The following SHISAL2A variants were observed in gnomAD, a reference collection of about 807,000 sequenced individuals.
SHISAL2A encodes the protein shisa like 2A, also known as protein shisa-like-2A.
SHISAL2A carries 18 observed loss-of-function variants against 11.5 expected under a neutral mutation model. The ratio of observed to expected loss-of-function variants is 1.57; its 90% confidence interval spans 1.08 to 2.33. The LOEUF (loss-of-function observed/expected upper bound fraction) is 2.33. Ranked by LOEUF, SHISAL2A falls within the 30% of genes most tolerant of loss-of-function variation. The pLI is 0.00. For missense variants in SHISAL2A, 261 were observed against 250.9 expected (o/e 1.04, Z -0.27); for synonymous variants, 94 against 99.6 (o/e 0.94, Z 0.34).
intron 2 of SHISAL2A, among the ~76,000 whole-genome samples, chr1:52,649,072 C>T (rs1691567787): frequency 6.6e-6 from 1 of 152,164 alleles, no homozygotes. Flanking sequence ...GCTTTTTGCT[C>T]AAACTCAGCT....
downstream of SHISAL2A, among the ~76,000 whole-genome samples, chr1:52,659,972 G>C (rs960074473): frequency 2.0e-5 from 3 of 152,166 alleles, no homozygotes; most frequent in Non-Finnish European, 4.4e-5. Flanking sequence ...TCTCAAACTC[G>C]AGGCTGCATC....
At chr1:52,638,530 C>T (rs1344403711) in intron 1 of SHISAL2A, among the ~76,000 whole-genome samples, 1 of 152,152 alleles carries the variant, frequency 6.6e-6, no homozygotes, top group South Asian at 2.1e-4. Flanking sequence ...AGTGTCTAAG[C>T]TTGGATTCAC....
At chr1:52,658,713 C>T (rs1270856612), downstream of SHISAL2A, among the ~76,000 whole-genome samples, 2 of 152,252 alleles carry the variant, frequency 1.3e-5, no homozygotes, top group Non-Finnish European at 2.9e-5. Context: ...AAGATGCTGA[C>T]TGTCAGCCCT....
chr1:52,644,138 T>A (rs922831754), intron 2 of SHISAL2A, among the ~76,000 whole-genome samples: 1 of 151,916 alleles, frequency 6.6e-6, no homozygotes, highest in Non-Finnish European at 1.5e-5. Context: ...TCTGTCTGCC[T>A]CGAGTCACCA....
downstream of SHISAL2A, among the ~76,000 whole-genome samples, chr1:52,657,547 G>A (rs1691817271): frequency 6.6e-6 from 1 of 152,156 alleles, no homozygotes; most frequent in South Asian, 2.1e-4. Context: ...ATGAAGGAGT[G>A]AGTGCTAAGT....
intron 2 of SHISAL2A, among the ~76,000 whole-genome samples, chr1:52,651,308 G>A (rs1691641123): frequency 6.6e-6 from 1 of 152,140 alleles, no homozygotes; most frequent in African/African-American, 2.4e-5. Flanking sequence ...TGTGATCTCT[G>A]CTCACTGCAA....
chr1:52,635,079 TATTCATTC>T (rs544281039), intron 1 of SHISAL2A, among the ~76,000 whole-genome samples: 3 of 152,334 alleles, frequency 2.0e-5, no homozygotes, highest in Admixed American at 1.3e-4. Context: ...TTCATCCATA[TATTCATTC>T]ATTCATTCAT....
chr1:52,640,698 T>A (rs1470322092), intron 1 of SHISAL2A, among the ~76,000 whole-genome samples: 6 of 152,132 alleles, frequency 3.9e-5, no homozygotes, highest in African/African-American at 1.4e-4. Context: ...TAGATAGAGA[T>A]GCTAGGAGCA....
At chr1:52,660,295 C>G (rs1691877623), downstream of SHISAL2A, among the ~76,000 whole-genome samples, 1 of 152,228 alleles carries the variant, frequency 6.6e-6, no homozygotes, top group Admixed American at 6.5e-5. Context: ...CCTACACATC[C>G]TAGGCCTCAT....
intron 4 of SHISAL2A, among the ~76,000 whole-genome samples, chr1:52,667,062 C>T (rs1484191499): frequency 6.6e-6 from 1 of 152,224 alleles, no homozygotes; most frequent in African/African-American, 2.4e-5. Context: ...CCTCCTTCAG[C>T]TCCCACATAG....
At chr1:52,638,425 A>C (rs1367045860) in intron 1 of SHISAL2A, among the ~76,000 whole-genome samples, 1 of 152,240 alleles carries the variant, frequency 6.6e-6, no homozygotes. Flanking sequence ...ATGTTTAATT[A>C]AAGTAACTAA....
intron 1 of SHISAL2A, among the ~76,000 whole-genome samples, chr1:52,640,431 A>G (rs1691336667): frequency 6.6e-6 from 1 of 152,148 alleles, no homozygotes; most frequent in Admixed American, 6.5e-5. Context: ...ACTGCCTACC[A>G]CATGCCAGGG....
At chr1:52,642,075 A>T (rs926847167) in intron 1 of SHISAL2A, among the ~76,000 whole-genome samples, 1 of 152,210 alleles carries the variant, frequency 6.6e-6, no homozygotes, top group African/African-American at 2.4e-5. Flanking sequence ...CTGCAGTTCA[A>T]TCTGGGTGAC....
At chr1:52,641,961 G>A (rs1169556767) in intron 1 of SHISAL2A, among the ~76,000 whole-genome samples, 1 of 152,010 alleles carries the variant, frequency 6.6e-6, no homozygotes, top group African/African-American at 2.4e-5. Flanking sequence ...AAACATAGCT[G>A]GGCGTGGTGG....
chr1:52,637,929 A>G (rs1489783204), intron 1 of SHISAL2A, among the ~76,000 whole-genome samples: 1 of 152,080 alleles, frequency 6.6e-6, no homozygotes, highest in Non-Finnish European at 1.5e-5. Flanking sequence ...CAGGGTAGGA[A>G]TCTCTAACTT....
chr1:52,637,104 G>A (rs947249185), intron 1 of SHISAL2A, among the ~76,000 whole-genome samples: 1 of 152,188 alleles, frequency 6.6e-6, no homozygotes, highest in Non-Finnish European at 1.5e-5. Context: ...TTCTTCGGGG[G>A]TTGGATGGGC....
intron 5 of SHISAL2A, chr1:52,668,357 G>A (rs945190270): frequency 4.0e-4 from 61 of 152,320 alleles, no homozygotes; most frequent in African/African-American, 1.3e-3. Flanking sequence ...TGGCTTTTGA[G>A]GCAGCCTTCC....
chr1:52,652,394 C>T (rs114458006), intron 2 of SHISAL2A, among the ~76,000 whole-genome samples: 2,080 of 152,312 alleles, frequency 0.014, 16 homozygotes, highest in Middle Eastern at 0.034. Context: ...CCATATTTCA[C>T]TCACAAATTC....
At chr1:52,638,773 C>A (rs986067243) in intron 1 of SHISAL2A, among the ~76,000 whole-genome samples, 5 of 152,208 alleles carry the variant, frequency 3.3e-5, no homozygotes, top group African/African-American at 1.2e-4. Flanking sequence ...ATTTAGCTAA[C>A]AATTTCTGTC....
Sources: allele counts gnomAD v4.1 joint callset (sites outside exome capture counted in the v4.1 genomes callset), GRCh38; gene constraint gnomAD v4.1.1; transcripts MANE v1.5; gene names NCBI Gene and HGNC (gene_info 2026-07-23, HGNC 2026-07-21).